Variants in DMD observed in about 807,000 individuals in gnomAD.
DMD encodes the protein mutant dystrophin.
DMD carries 63 observed loss-of-function variants against 330.1 expected under a neutral mutation model. That is an observed-to-expected ratio of 0.19 (90% CI 0.16 to 0.24). The LOEUF is 0.24. Ranked by LOEUF, DMD falls within the 10% of genes least tolerant of loss-of-function variation. The pLI is 1.00. For synonymous variants in DMD, 1,223 were observed against 959.8 expected (o/e 1.27, Z -5.07); for missense variants, 3,344 against 2,684.1 (o/e 1.25, Z -5.43).
intron 59 of DMD, among the ~76,000 whole-genome samples, chrX:31,460,283 T>C (rs2066450699): frequency 9.0e-6 from 1 of 111,378 alleles, no homozygotes; most frequent in Admixed American, 9.6e-5. Context: ...TCATCTCTAT[T>C]TCTATACACA....
At chrX:31,261,768 A>G (rs2050543023) in intron 62 of DMD, 1 of 112,139 alleles carries the variant, frequency 8.9e-6, no homozygotes, top group Non-Finnish European at 1.9e-5. Flanking sequence ...TTCCTCATTC[A>G]ATTACATGAA....
chrX:32,050,786 T>C (rs1260744322), intron 44 of DMD, among the ~76,000 whole-genome samples: 1 of 110,873 alleles, frequency 9.0e-6, no homozygotes, highest in African/African-American at 3.3e-5. Context: ...CCATGAGAAG[T>C]ATAAGTTAGG....
chrX:32,719,969 C>CAT (rs58382484), intron 7 of DMD, among the ~76,000 whole-genome samples: 1,983 of 103,290 alleles, frequency 0.019, 38 homozygotes, highest in East Asian at 0.14. Context: ...TTCATTCATT[C>CAT]ATATATATAT....
chrX:32,232,723 C>A (rs1421904043), intron 43 of DMD, among the ~76,000 whole-genome samples: 1 of 111,734 alleles, frequency 8.9e-6, no homozygotes, highest in African/African-American at 3.2e-5. Context: ...CTTTCCCACA[C>A]CGGAAGGCAC....
intron 51 of DMD, among the ~76,000 whole-genome samples, chrX:31,731,316 A>G (rs771671857): frequency 2.7e-5 from 3 of 111,928 alleles, no homozygotes; most frequent in East Asian, 2.8e-4. Context: ...GTACTGAACA[A>G]ATTTTAAAGT....
chrX:32,084,289 C>T (rs2096415070), intron 44 of DMD, among the ~76,000 whole-genome samples: 1 of 110,865 alleles, frequency 9.0e-6, no homozygotes, highest in African/African-American at 3.3e-5. Flanking sequence ...GTGTATTGCA[C>T]ATGACATCGA....
At chrX:32,583,238 G>A (rs2053857156) in intron 13 of DMD, among the ~76,000 whole-genome samples, 1 of 111,890 alleles carries the variant, frequency 8.9e-6, no homozygotes, top group South Asian at 3.7e-4. Flanking sequence ...GCTCACGCCT[G>A]CAATCCCAAC....
chrX:32,705,136 TACA>T (rs1438318028), intron 7 of DMD, among the ~76,000 whole-genome samples: 2 of 112,155 alleles, frequency 1.8e-5, no homozygotes, highest in African/African-American at 6.5e-5. Context: ...ACAATAGATA[TACA>T]ACATTTTAAT....
Position 31,777,152 on chromosome X carries a change from A to C in DMD, c.7310-2960T>G, listed in dbSNP as rs754548496. The stretch of plus-strand genomic sequence containing the variant: ...AGGTCTTCTACATACAATGAGTACT[A>C]AAATTTAACAGCCACCCATTAGAAT... On this transcript the variant is annotated intron_variant, in intron 50 of 78. Coordinates refer to ENST00000357033, the MANE Select transcript of DMD (RefSeq NM_004006.3). 5.4e-5 allele frequency among the ~76,000 whole-genome samples: 6 copies of C among 112,122 alleles called. No individual in the cohort carries two copies. The East Asian group carries it at 1.7e-3, about 31-fold the overall frequency.
chrX:32,701,560 C>T (rs1054956957), intron 7 of DMD, among the ~76,000 whole-genome samples: 9 of 111,341 alleles, frequency 8.1e-5, no homozygotes, highest in Non-Finnish European at 1.7e-4. Flanking sequence ...CTATACTTCA[C>T]CGTATCTTGA....
At position 33,056,750 on chromosome X, in the gene DMD, C is replaced by G. The variant is rs931401151; in HGVS notation, c.32-36550G>C. Among the ~76,000 whole-genome samples the G allele has an allele frequency of 3.6e-5, 4 of 111,628 alleles. No homozygotes were observed. In the Admixed American group the frequency reaches 3.8e-4, roughly 11 times the overall value. On this transcript the variant is annotated intron_variant, in intron 1 of 78. Transcript: ENST00000357033. Reference sequence around the variant, plus strand: ...TACAGTATTCAGAGACTCTTTTCTGCCATATTTGCTTTGATCTAGTTAACA... The same window carrying G: ...TACAGTATTCAGAGACTCTTTTCTGGCATATTTGCTTTGATCTAGTTAACA...
rs182159581 is a variant in DMD, at chrX:32,652,081, T to C, written c.961-6929A>G. Among the ~76,000 whole-genome samples the C allele has an allele frequency of 3.0e-3, 339 of 111,699 alleles. 1 individual carries two copies. Among genetic ancestry groups the C allele is most frequent in the African/African-American group, 0.01 (322 of 30,756 alleles). On this transcript the variant is annotated intron_variant, in intron 9 of 78. Transcript: ENST00000357033. ...TACGTACACATATGGGGTATTTTAGTTTTTAAAAATCTCATTCTATAGCCT... is the reference window on the plus strand; with the variant it reads ...TACGTACACATATGGGGTATTTTAGCTTTTAAAAATCTCATTCTATAGCCT...
chrX:32,383,111 A>G (rs1262125715), intron 33 of DMD, among the ~76,000 whole-genome samples: 3 of 110,835 alleles, frequency 2.7e-5, no homozygotes, highest in Admixed American at 9.6e-5. Flanking sequence ...GCCAGCTTTA[A>G]TATCTCTTAA....
intron 50 of DMD, 67 bp downstream of exon 50, chrX:31,819,897 CTCACCCAGTCA>C (rs1326309843): frequency 1.2e-6 from 1 of 818,672 alleles, no homozygotes; most frequent in Non-Finnish European, 1.9e-6. Flanking sequence ...AATTTTCTCT[CTCACCCAGTCA>C]TCACTTCATA....
At chrX:31,574,539 G>C (rs2076002885) in intron 55 of DMD, among the ~76,000 whole-genome samples, 1 of 111,635 alleles carries the variant, frequency 9.0e-6, no homozygotes, top group African/African-American at 3.3e-5. Flanking sequence ...GCTATGAAAA[G>C]CTAGGTAATT....
chrX:31,820,417 A>G (rs2092727159), intron 49 of DMD, among the ~76,000 whole-genome samples: 1 of 112,235 alleles, frequency 8.9e-6, no homozygotes, highest in Non-Finnish European at 1.9e-5. Context: ...TTGTGGTTGC[A>G]TACTAAAATT....
intron 15 of DMD, among the ~76,000 whole-genome samples, chrX:32,569,140 G>T (rs762807958): frequency 1.8e-5 from 2 of 111,384 alleles, no homozygotes; most frequent in Non-Finnish European, 1.9e-5. Context: ...AGGGAGGAAG[G>T]TACAGTCAAT....
At chrX:33,296,144 G>A (rs1420314078) in intron 1 of DMD, among the ~76,000 whole-genome samples, 1 of 110,810 alleles carries the variant, frequency 9.0e-6, no homozygotes, top group Non-Finnish European at 1.9e-5. Flanking sequence ...GTCTTTCATA[G>A]CTTTATTGGC....
chrX:31,380,506 C>T (rs1319816087), intron 60 of DMD, among the ~76,000 whole-genome samples: 12 of 111,073 alleles, frequency 1.1e-4, no homozygotes, highest in Admixed American at 9.6e-4. Flanking sequence ...TCCCACAGCA[C>T]GCTTTAAAAG....
Sources: allele counts gnomAD v4.1 joint callset (sites outside exome capture counted in the v4.1 genomes callset), GRCh38; gene constraint gnomAD v4.1.1; transcripts MANE v1.5; gene names NCBI Gene and HGNC (gene_info 2026-07-23, HGNC 2026-07-21).